The following TMEM120B variants were observed in gnomAD, a reference collection of about 807,000 sequenced individuals.
TMEM120B encodes transmembrane protein 120B.
A neutral mutation model predicts 55.5 loss-of-function variants in TMEM120B; 31 were observed. The observed-to-expected ratio is 0.56, with a 90% CI of 0.42 to 0.75. The LOEUF (loss-of-function observed/expected upper bound fraction) is 0.75, where lower values mean the gene tolerates loss of function less well. Among genes scored for constraint, TMEM120B ranks in the 30% least tolerant of loss-of-function variants. TMEM120B has a pLI of 0.00. For missense variants in TMEM120B, 399 were observed against 425.5 expected (o/e 0.94, Z 0.55); for synonymous variants, 203 against 176.3 (o/e 1.15, Z -1.20).
In TMEM120B at chr12:121,781,178, CAT is replaced by C. The variant is rs748945272; in HGVS notation, c.*5458_*5459del. 4 of 1,614,156 alleles carry C rather than the reference CAT, an allele frequency of 2.5e-6. No individual in the cohort carries two copies. Among genetic ancestry groups the C allele is most frequent in the Non-Finnish European group, 3.4e-6 (4 of 1,180,034 alleles). The stretch of plus-strand genomic sequence containing the variant: ...TGGTAGGACAGGGGCCGCAGCCGGT[CAT>C]AGTCTTCTTGCCCTGAAAGCACAGA... On this transcript the variant is annotated 3_prime_UTR_variant, in exon 12 of 12. Coordinates refer to ENST00000449592, the MANE Select transcript of TMEM120B (RefSeq NM_001080825.2).
intron 6 of TMEM120B, among the ~76,000 whole-genome samples, chr12:121,762,097 T>C (rs1225252462): frequency 6.6e-6 from 1 of 151,918 alleles, no homozygotes; most frequent in Non-Finnish European, 1.5e-5. Flanking sequence ...TGGAGACCAG[T>C]CTGGCCAACA....
Position 121,775,835 on chromosome 12 carries a change from G to C in TMEM120B, c.*113G>C. 5.3e-6 allele frequency: 6 copies of C among 1,127,024 alleles called. No homozygotes were observed. The highest frequency in any genetic ancestry group is 7.8e-6 in the Non-Finnish European group (6 of 766,462). The allele number at this position is 1,127,024 out of a possible 1,614,324, so 69.8% of individuals were successfully genotyped here. A position where few individuals can be genotyped will look rare whatever the true frequency, so the allele number is the denominator to read the frequency against. ...TCGCTGGGAGAGGGCCCAGGCCCTG[G>C]TCCCCCAGTGGACCCCAGTGGTCTA... On this transcript the variant is annotated 3_prime_UTR_variant, in exon 12 of 12. Transcript: ENST00000449592. This position sits in a 1 kb window ranked among gnomAD's most constrained non-coding sequence, Gnocchi z 4.3.
chr12:121,730,528 G>A (rs1270744310), intron 1 of TMEM120B, among the ~76,000 whole-genome samples: 2 of 151,352 alleles, frequency 1.3e-5, no homozygotes, highest in Non-Finnish European at 2.9e-5. Flanking sequence ...CTGCATGCCT[G>A]TAGCCCCAAC....
At chr12:121,743,836 A>C in intron 2 of TMEM120B, 89 bp downstream of exon 2, 9 of 969,110 alleles carry the variant, frequency 9.3e-6, no homozygotes, top group Non-Finnish European at 1.4e-5. Context: ...TGGAAATCTC[A>C]GTGGAAAAAG....
intron 1 of TMEM120B, among the ~76,000 whole-genome samples, chr12:121,742,576 A>ATTGTTT (rs1417896712): frequency 6.6e-6 from 1 of 151,886 alleles, no homozygotes; most frequent in East Asian, 1.9e-4. Context: ...GCAGTGGCTT[A>ATTGTTT]TTGTTTTTGT....
Position 121,781,094 on chromosome 12 carries a change from CGTT to C in TMEM120B, c.*5375_*5377del. On this transcript the variant is annotated 3_prime_UTR_variant, in exon 12 of 12. Coordinates refer to ENST00000449592, the MANE Select transcript of TMEM120B (RefSeq NM_001080825.2). ...GAGGCCGGCCTCACCTTGATGAGGACGTTGTCGTAGCTGGTGGGATTCATGACG... is the reference window on the plus strand; with the variant it reads ...GAGGCCGGCCTCACCTTGATGAGGACGTCGTAGCTGGTGGGATTCATGACG... 3 of 1,614,198 alleles carry C rather than the reference CGTT, an allele frequency of 1.9e-6. No individual in the cohort carries two copies. The highest frequency in any genetic ancestry group is 2.2e-5 in the East Asian group (1 of 44,890).
chr12:121,736,823 G>A (rs1260950114), intron 1 of TMEM120B, among the ~76,000 whole-genome samples: 1 of 152,138 alleles, frequency 6.6e-6, no homozygotes. Flanking sequence ...GGGATTACAG[G>A]TGCGAGCCAC....
At chr12:121,714,408 A>G (rs1414027087) in intron 1 of TMEM120B, among the ~76,000 whole-genome samples, 1 of 151,184 alleles carries the variant, frequency 6.6e-6, no homozygotes, top group Non-Finnish European at 1.5e-5. Context: ...GGTGTGCGCC[A>G]CCGTGCCCGG....
In TMEM120B at chr12:121,780,702, G is replaced by GTAA. The variant is rs1874418653; in HGVS notation, c.*4981_*4983dup. ...AGTCCTAAGGATTGGGAGTAGTCGT[G>GTAA]TAAAGTGCTCAGGTCCACAGGCCAT... On this transcript the variant is annotated 3_prime_UTR_variant, in exon 12 of 12. Transcript: ENST00000449592. 3 of 740,072 alleles carry GTAA rather than the reference G, an allele frequency of 4.1e-6. No individual in the cohort carries two copies. In the East Asian group the frequency reaches 8.2e-5, roughly 20 times the overall value. 45.8% of individuals were successfully genotyped at this position (740,072 alleles called of 1,614,324 possible). A position where few individuals can be genotyped will look rare whatever the true frequency, so the allele number is the denominator to read the frequency against.
chr12:121,752,179 C>T lies in TMEM120B; in HGVS notation c.417C>T (p.Ile139=), dbSNP rs1279304460. The T allele has an allele frequency of 1.2e-6, 2 of 1,613,778 alleles. No homozygotes were observed. The highest frequency in any genetic ancestry group is 1.7e-5 in the Admixed American group (1 of 60,016). Residue 139 remains isoleucine, a synonymous_variant, in exon 5 of 12, where the codon ATC becomes ATT. Coordinates refer to ENST00000449592, the MANE Select transcript of TMEM120B (RefSeq NM_001080825.2). ...AGTTCAAGCTCTACCTGACCATCAT[C>T]CTGCTCCTGGGTGCCGTGGCATGTC... ...YEKFKLYLTI[I]LLLGAVACRF... is the part of the protein sequence containing the mutation.
chr12:121,746,483 G>A (rs932760409), intron 2 of TMEM120B, among the ~76,000 whole-genome samples: 1 of 151,892 alleles, frequency 6.6e-6, no homozygotes, highest in Non-Finnish European at 1.5e-5. Flanking sequence ...CACTGCACCC[G>A]GCCTTGGTTG....
chr12:121,739,112 G>A lies in TMEM120B; in HGVS notation c.70-4517G>A, dbSNP rs551414004. On this transcript the variant is annotated intron_variant, in intron 1 of 11. Transcript: ENST00000449592. ...TGAGGCAGGAGAATTGCTTGAACCC[G>A]GGAGGCAGAGGTTGCAGTGAGCCAA... 5.9e-5 allele frequency among the ~76,000 whole-genome samples: 9 copies of A among 152,152 alleles called. No homozygotes were observed. In the South Asian group the frequency reaches 1.7e-3, roughly 28 times the overall value.
chr12:121,751,271 A>C (rs1346359285), intron 4 of TMEM120B, among the ~76,000 whole-genome samples: 2 of 44,746 alleles, frequency 4.5e-5, no homozygotes, highest in Admixed American at 3.2e-4. Flanking sequence ...AACACCCCAC[A>C]CCCCACACCG....
At chr12:121,734,378 C>G (rs1028705362) in intron 1 of TMEM120B, among the ~76,000 whole-genome samples, 5 of 151,958 alleles carry the variant, frequency 3.3e-5, no homozygotes, top group Non-Finnish European at 7.4e-5. Context: ...CCTGCCTCAG[C>G]CTCCTGAGTA....
chr12:121,730,805 A>G (rs957038921), intron 1 of TMEM120B, among the ~76,000 whole-genome samples: 2 of 151,640 alleles, frequency 1.3e-5, no homozygotes, highest in Admixed American at 6.6e-5. Flanking sequence ...TAAAAATACA[A>G]AAATTAGCTG....
chr12:121,726,907 CAAAAAAAAAAAAAAAAA>C (rs71305665), intron 1 of TMEM120B, among the ~76,000 whole-genome samples: 1 of 73,714 alleles, frequency 1.4e-5, no homozygotes, highest in Non-Finnish European at 2.8e-5. Context: ...GACTCTGTCT[CAAAAAAAAAAAAAAAAA>C]AAAAAAAAAA....
At chr12:121,757,710 G>A (rs1281413720) in intron 5 of TMEM120B, among the ~76,000 whole-genome samples, 1 of 152,154 alleles carries the variant, frequency 6.6e-6, no homozygotes, top group Non-Finnish European at 1.5e-5. Flanking sequence ...TAGAGACGGG[G>A]TTTCACCATG....
At chr12:121,757,563 C>T (rs1407225816) in intron 5 of TMEM120B, among the ~76,000 whole-genome samples, 2 of 150,624 alleles carry the variant, frequency 1.3e-5, no homozygotes, top group Non-Finnish European at 2.9e-5. Flanking sequence ...GTCGCCCAGG[C>T]TGGAGTGCAG....
At chr12:121,733,781 G>T (rs1350263912) in intron 1 of TMEM120B, among the ~76,000 whole-genome samples, 2 of 151,902 alleles carry the variant, frequency 1.3e-5, no homozygotes, top group African/African-American at 4.8e-5. Flanking sequence ...CAAGTGATCC[G>T]CCCACCTCGG....
Sources: gnomAD v4.1 joint callset for allele counts (sites outside exome capture counted in the v4.1 genomes callset) on GRCh38, gnomAD v4.1.1 for gene constraint, Gnocchi (gnomAD v3.1) non-coding constraint, MANE v1.5 for transcripts, NCBI Gene and HGNC (gene_info 2026-07-23, HGNC 2026-07-21) for gene names.